The following ARHGAP15 variants were observed in gnomAD, a reference collection of about 807,000 sequenced individuals.
ARHGAP15 encodes Rho GTPase activating protein 15.
ARHGAP15 carries 51 observed loss-of-function variants against 63.7 expected under a neutral mutation model. The observed-to-expected ratio is 0.80, with a 90% CI of 0.64 to 1.01. The LOEUF (loss-of-function observed/expected upper bound fraction) is 1.01. Among genes scored for constraint, ARHGAP15 ranks in the 50% least tolerant of loss-of-function variants. The pLI is 0.00. For synonymous variants in ARHGAP15, 191 were observed against 193.8 expected (o/e 0.99, Z 0.12); for missense variants, 560 against 564.6 (o/e 0.99, Z 0.08).
At chr2:143,482,135 A>G (rs1370278732) in intron 8 of ARHGAP15, among the ~76,000 whole-genome samples, 1 of 152,188 alleles carries the variant, frequency 6.6e-6, no homozygotes, top group Non-Finnish European at 1.5e-5. Context: ...TTATGGAGGT[A>G]AAAATACCTA....
intron 10 of ARHGAP15, among the ~76,000 whole-genome samples, chr2:143,548,710 A>T (rs931083078): frequency 6.6e-6 from 1 of 152,108 alleles, no homozygotes; most frequent in Non-Finnish European, 1.5e-5. Context: ...TAAAATCTAG[A>T]TAATGATGAT....
At chr2:143,329,688 T>C (rs192980667) in intron 6 of ARHGAP15, among the ~76,000 whole-genome samples, 87 of 152,294 alleles carry the variant, frequency 5.7e-4, no homozygotes, top group African/African-American at 2.1e-3. Context: ...AACTAGTACG[T>C]AAAGTTATAT....
chr2:143,281,580 C>T (rs1396904206), intron 6 of ARHGAP15, among the ~76,000 whole-genome samples: 4 of 151,840 alleles, frequency 2.6e-5, no homozygotes, highest in South Asian at 2.1e-4. Flanking sequence ...CGTGGACTCC[C>T]GGGAAACGGG....
At chr2:143,656,934 G>GGGGTGTGTGTGTGTGTGT (rs1484394918) in intron 12 of ARHGAP15, among the ~76,000 whole-genome samples, 22 of 145,028 alleles carry the variant, frequency 1.5e-4, no homozygotes, top group Middle Eastern at 3.5e-3. Flanking sequence ...CAAAGTTTCT[G>GGGGTGTGTGTGTGTGTGT]GTGTGTGTGT....
At chr2:143,263,907 CTTT>C (rs373296096) in intron 6 of ARHGAP15, among the ~76,000 whole-genome samples, 26 of 38,446 alleles carry the variant, frequency 6.8e-4, no homozygotes, top group South Asian at 4.5e-3. Flanking sequence ...AAGCTGCAGT[CTTT>C]TTTTTTTTTT....
chr2:143,574,678 A>G (rs901062866), intron 11 of ARHGAP15, among the ~76,000 whole-genome samples: 16 of 152,236 alleles, frequency 1.1e-4, no homozygotes, highest in Non-Finnish European at 1.5e-4. Context: ...AAAAGCATGA[A>G]AAAATATAGG....
intron 11 of ARHGAP15, among the ~76,000 whole-genome samples, chr2:143,610,368 A>G (rs1698204348): frequency 6.6e-6 from 1 of 152,190 alleles, no homozygotes; most frequent in Admixed American, 6.5e-5. Context: ...TTAAAATACA[A>G]TGTTCTTAAG....
chr2:143,176,132 G>C (rs955878328), intron 2 of ARHGAP15, among the ~76,000 whole-genome samples: 3 of 152,242 alleles, frequency 2.0e-5, no homozygotes, highest in East Asian at 3.9e-4. Context: ...GTGAGGAAGA[G>C]AGATGACTTA....
intron 12 of ARHGAP15, among the ~76,000 whole-genome samples, chr2:143,657,303 C>T (rs539712867): frequency 2.0e-5 from 3 of 152,246 alleles, no homozygotes; most frequent in South Asian, 2.1e-4. Context: ...GCCGAGATCG[C>T]GCCACTGCAC....
At chr2:143,667,593 A>ATTT (rs1682286334) in intron 12 of ARHGAP15, among the ~76,000 whole-genome samples, 1 of 151,606 alleles carries the variant, frequency 6.6e-6, no homozygotes, top group African/African-American at 2.4e-5. Flanking sequence ...AAAAAAAAAA[A>ATTT]AAAAAAAAAA....
At chr2:143,163,591 A>T (rs1347912871) in intron 2 of ARHGAP15, among the ~76,000 whole-genome samples, 1 of 152,032 alleles carries the variant, frequency 6.6e-6, no homozygotes, top group East Asian at 1.9e-4. Flanking sequence ...ACAAGCTGAC[A>T]ATAAGATCAG....
intron 6 of ARHGAP15, among the ~76,000 whole-genome samples, chr2:143,350,571 G>A (rs956707152): frequency 6.6e-6 from 1 of 150,996 alleles, no homozygotes. Context: ...TGTAATCCCA[G>A]CACTTTGGGA....
At chr2:143,267,221 A>T (rs1018660877) in intron 6 of ARHGAP15, among the ~76,000 whole-genome samples, 1 of 152,206 alleles carries the variant, frequency 6.6e-6, no homozygotes, top group African/African-American at 2.4e-5. Flanking sequence ...ATCTAAATAA[A>T]GGTTTGCCAT....
chr2:143,157,227 C>T (rs187926931), intron 2 of ARHGAP15, among the ~76,000 whole-genome samples: 1 of 151,996 alleles, frequency 6.6e-6, no homozygotes, highest in East Asian at 2.0e-4. Context: ...TGTGTTTATG[C>T]ACTATTACCT....
At chr2:143,168,055 A>G (rs1242589254) in intron 2 of ARHGAP15, among the ~76,000 whole-genome samples, 1 of 152,164 alleles carries the variant, frequency 6.6e-6, no homozygotes, top group African/African-American at 2.4e-5. Context: ...ATAAACTTAG[A>G]AGTGTAGTCT....
intron 11 of ARHGAP15, among the ~76,000 whole-genome samples, chr2:143,558,747 G>A (rs1393213866): frequency 1.3e-5 from 2 of 152,162 alleles, no homozygotes; most frequent in African/African-American, 2.4e-5. Context: ...GGGTGTTGCA[G>A]GTAAGAGAAG....
chr2:143,534,305 G>T (rs1694650866), intron 10 of ARHGAP15, among the ~76,000 whole-genome samples: 1 of 152,140 alleles, frequency 6.6e-6, no homozygotes, highest in African/African-American at 2.4e-5. Flanking sequence ...GGCCTCTCCA[G>T]CCATGCTGAA....
intron 2 of ARHGAP15, among the ~76,000 whole-genome samples, chr2:143,182,567 A>G (rs1172362640): frequency 6.6e-6 from 1 of 152,182 alleles, no homozygotes; most frequent in Non-Finnish European, 1.5e-5. Flanking sequence ...ACTTTGCTCC[A>G]TGAACTTTGT....
intron 9 of ARHGAP15, among the ~76,000 whole-genome samples, chr2:143,497,750 C>G (rs143808170): frequency 1.1e-4 from 17 of 152,296 alleles, no homozygotes; most frequent in African/African-American, 4.1e-4. Flanking sequence ...GAATTTCATT[C>G]TGACCTGGAG....
Sources: gnomAD v4.1 joint callset for allele counts (sites outside exome capture counted in the v4.1 genomes callset) on GRCh38, gnomAD v4.1.1 for gene constraint, MANE v1.5 for transcripts, NCBI Gene and HGNC (gene_info 2026-07-23, HGNC 2026-07-21) for gene names.